Variants in C8A observed in about 807,000 individuals in gnomAD.
C8A encodes complement component C8 alpha chain.
Under a neutral mutation model 65.3 loss-of-function variants are expected in C8A, and 67 were observed. The observed-to-expected ratio is 1.03, with a 90% confidence interval of 0.84 to 1.26. C8A has a LOEUF of 1.26. C8A is among the 50% of genes most tolerant of loss of function. C8A has a pLI of 0.00. For synonymous variants in C8A, 290 were observed against 259.4 expected, an observed-to-expected ratio of 1.12 and a Z score of -1.13; for missense variants, 781 against 723.9, an observed-to-expected ratio of 1.08 and a Z score of -0.90.
At position 56,885,911 on chromosome 1, in the gene C8A, T is replaced by C. The variant is rs2101247428; in HGVS notation, c.856-16T>C. On this transcript the variant is annotated splice_polypyrimidine_tract_variant and intron_variant, in intron 6 of 10. Transcript: ENST00000361249. Reference sequence around the variant, plus strand: ...CTCTTTGTTCTTTTGCTTTATTCAATGGCGGTTGCTGGCAGAAATTCATTT... The same window carrying C: ...CTCTTTGTTCTTTTGCTTTATTCAACGGCGGTTGCTGGCAGAAATTCATTT... 1 of 1,613,838 alleles carries C rather than the reference T, an allele frequency of 6.2e-7. No individual in the cohort carries two copies. The highest frequency in any genetic ancestry group is 8.5e-7 in the Non-Finnish European group (1 of 1,179,866).
intron 7 of C8A, among the ~76,000 whole-genome samples, chr1:56,894,723 G>A (rs956852955): frequency 1.3e-5 from 2 of 151,808 alleles, no homozygotes; most frequent in African/African-American, 4.8e-5. Flanking sequence ...CCTTTCCCTC[G>A]ACAAACATTT....
chr1:56,891,653 G>A (rs1449323608), intron 7 of C8A, among the ~76,000 whole-genome samples: 1 of 152,126 alleles, frequency 6.6e-6, no homozygotes, highest in Non-Finnish European at 1.5e-5. Context: ...TAGACTGGGT[G>A]TGGATTGTGA....
chr1:56,868,265 C>T (rs1393579204), intron 2 of C8A, among the ~76,000 whole-genome samples: 1 of 151,320 alleles, frequency 6.6e-6, no homozygotes, highest in Non-Finnish European at 1.5e-5. Flanking sequence ...CAGGCAGAGG[C>T]GAGTATTAAA....
chr1:56,868,571 T>C (rs1464989206), intron 2 of C8A, among the ~76,000 whole-genome samples: 2 of 152,112 alleles, frequency 1.3e-5, no homozygotes, highest in East Asian at 1.9e-4. Context: ...TGAGCTTAGA[T>C]TGTGCCACTG....
At chr1:56,902,850 C>A (rs1260045897) in intron 7 of C8A, among the ~76,000 whole-genome samples, 1 of 152,092 alleles carries the variant, frequency 6.6e-6, no homozygotes, top group Non-Finnish European at 1.5e-5. Flanking sequence ...GGATAATGTT[C>A]ATTGAAGAAA....
Position 56,917,793 on chromosome 1 carries a change from A to C in C8A, c.*77A>C. On this transcript the variant is annotated 3_prime_UTR_variant, in exon 11 of 11. Transcript: ENST00000361249. ...TGACTATTGGATAAAGACTTCTTTC[A>C]ACTAAGAGAAGATGCAAATCAGCAC... 2 of 1,555,268 alleles carry C rather than the reference A, an allele frequency of 1.3e-6. No homozygotes were observed. The highest frequency in any genetic ancestry group is 1.8e-6 in the Non-Finnish European group (2 of 1,131,746).
chr1:56,901,892 A>G (rs1644429428), intron 7 of C8A, among the ~76,000 whole-genome samples: 1 of 151,740 alleles, frequency 6.6e-6, no homozygotes, highest in African/African-American at 2.4e-5. Context: ...TTCCTTGTCC[A>G]TTTCCCCACA....
chr1:56,905,722 T>C (rs1644459388), intron 7 of C8A, among the ~76,000 whole-genome samples: 1 of 152,258 alleles, frequency 6.6e-6, no homozygotes. Context: ...AATTATTTTG[T>C]ATAGTTGTAG....
At chr1:56,889,951 G>T (rs577333227) in intron 7 of C8A, among the ~76,000 whole-genome samples, 1 of 152,230 alleles carries the variant, frequency 6.6e-6, no homozygotes, top group Admixed American at 6.5e-5. Flanking sequence ...TCTACCTTCC[G>T]CAGGTATCAG....
intron 9 of C8A, 130 bp downstream of exon 9, chr1:56,908,243 G>A (rs907197943): frequency 1.8e-6 from 2 of 1,093,636 alleles, no homozygotes; most frequent in Non-Finnish European, 2.7e-6. Context: ...CACTGAACTA[G>A]TGGCCTTGCT....
chr1:56,888,921 G>C (rs554334694), intron 7 of C8A, among the ~76,000 whole-genome samples: 2 of 152,072 alleles, frequency 1.3e-5, no homozygotes, highest in Admixed American at 6.6e-5. Context: ...CCAGAATCTG[G>C]GGTCAGAGCC....
chr1:56,858,277 T>C (rs1415617759), intron 1 of C8A, among the ~76,000 whole-genome samples: 1 of 152,126 alleles, frequency 6.6e-6, no homozygotes, highest in Non-Finnish European at 1.5e-5. Context: ...AACTGAACCT[T>C]AGAGAGAGAA....
chr1:56,855,637 T>G (rs1413630891), intron 1 of C8A, among the ~76,000 whole-genome samples: 2 of 20,228 alleles, frequency 9.9e-5, no homozygotes, highest in Non-Finnish European at 1.6e-4. Context: ...GCTTCATGGG[T>G]TTTTTTTTTT....
At chr1:56,870,515 C>G (rs546994007) in intron 2 of C8A, among the ~76,000 whole-genome samples, 1 of 152,142 alleles carries the variant, frequency 6.6e-6, no homozygotes, top group Non-Finnish European at 1.5e-5. Flanking sequence ...TGTGATGACA[C>G]TTAGTGCTAT....
chr1:56,907,316 C>G (rs607422), intron 8 of C8A, among the ~76,000 whole-genome samples: 1 of 151,896 alleles, frequency 6.6e-6, no homozygotes, highest in Non-Finnish European at 1.5e-5. Context: ...ACAGAGGATA[C>G]AGGGATGATG....
In C8A at chr1:56,885,273, AATATATATTTACATAAATATATATTT is replaced by A. The variant is rs1328349539; in HGVS notation, c.856-631_856-606del. Among the ~76,000 whole-genome samples the A allele has an allele frequency of 4.0e-4, 52 of 131,584 alleles. 2 individuals carry two copies. The highest frequency in any genetic ancestry group is 1.2e-3 in the African/African-American group (36 of 30,170). 86.3% of individuals were successfully genotyped at this position (131,584 alleles called of 152,430 possible). ...ATGTTCATATACGTGTTTATATATA[AATATATATTTACATAAATATATATTT>A]ATATATATTTACATAAATATATTTA... On this transcript the variant is annotated intron_variant, in intron 6 of 10. Coordinates refer to ENST00000361249, the MANE Select transcript of C8A (RefSeq NM_000562.3).
At chr1:56,884,479 A>T (rs376257116) in intron 6 of C8A, among the ~76,000 whole-genome samples, 1 of 152,214 alleles carries the variant, frequency 6.6e-6, no homozygotes, top group Non-Finnish European at 1.5e-5. Context: ...TTCAAAAATT[A>T]TCTTGAATGA....
chr1:56,904,110 C>A (rs560707501), intron 7 of C8A, among the ~76,000 whole-genome samples: 1 of 152,188 alleles, frequency 6.6e-6, no homozygotes, highest in African/African-American at 2.4e-5. Context: ...TTTCTCTGTT[C>A]CTTTCACCCC....
At chr1:56,857,809 C>T (rs772905523) in intron 1 of C8A, among the ~76,000 whole-genome samples, 5 of 151,912 alleles carry the variant, frequency 3.3e-5, no homozygotes, top group Non-Finnish European at 7.4e-5. Flanking sequence ...AAATTTTTGC[C>T]ATGATTCATT....
Sources: allele counts gnomAD v4.1 joint callset (sites outside exome capture counted in the v4.1 genomes callset), GRCh38; gene constraint gnomAD v4.1.1; transcripts MANE v1.5; gene names NCBI Gene and HGNC (gene_info 2026-07-23, HGNC 2026-07-21).